The following NOL10 variants were observed in gnomAD, a reference collection of about 807,000 sequenced individuals.
NOL10 encodes nucleolar protein 10, also known as H_NH0074G24.1.
NOL10 carries 58 observed loss-of-function variants against 103.5 expected under a neutral mutation model. The observed-to-expected ratio is 0.56, with a 90% CI of 0.45 to 0.70. NOL10 has a LOEUF of 0.70. Among genes scored for constraint, NOL10 ranks in the 30% least tolerant of loss-of-function variants. The probability of loss-of-function intolerance (pLI) is 0.00; values close to 1 mark genes in which losing one functional copy is unlikely to be tolerated. For synonymous variants in NOL10, 287 were observed against 282.5 expected (o/e 1.02, Z -0.16); for missense variants, 763 against 807.3 (o/e 0.95, Z 0.67).
chr2:10,654,783 A>C (rs1679716834), intron 11 of NOL10, among the ~76,000 whole-genome samples: 2 of 152,242 alleles, frequency 1.3e-5, no homozygotes, highest in Non-Finnish European at 2.9e-5. Context: ...CCTGTCCAAA[A>C]AAAAGAAAAA....
At chr2:10,596,678 G>A (rs1410825347) in intron 17 of NOL10, among the ~76,000 whole-genome samples, 1 of 152,130 alleles carries the variant, frequency 6.6e-6, no homozygotes, top group East Asian at 1.9e-4. Context: ...AAAGGCCCCA[G>A]ACCAGTACCA....
At chr2:10,660,410 C>T (rs1338374527) in intron 9 of NOL10, among the ~76,000 whole-genome samples, 12 of 152,046 alleles carry the variant, frequency 7.9e-5, no homozygotes, top group Admixed American at 3.3e-4. Context: ...CTCCACCTTC[C>T]GGTTCAAGCA....
At chr2:10,603,036 C>T (rs1292304109) in intron 15 of NOL10, 42 bp downstream of exon 15, 1 of 1,474,564 alleles carries the variant, frequency 6.8e-7, no homozygotes, top group Non-Finnish European at 9.4e-7. Context: ...ACAGACTGCG[C>T]ATTAGTTACC....
intron 13 of NOL10, among the ~76,000 whole-genome samples, chr2:10,643,354 T>G (rs917385935): frequency 5.3e-5 from 8 of 152,212 alleles, no homozygotes; most frequent in Admixed American, 5.2e-4. Context: ...AGAGTTCACC[T>G]CCCTCAGATT....
Position 10,657,906 on chromosome 2 carries a change from T to A in NOL10, c.757-15A>T. ...TATAATAAAACCTGAAAAAAAATTA[T>A]TTCTGTTTAAACAAACTAGACATTT... is the stretch of plus-strand genomic sequence containing the variant. On this transcript the variant is annotated splice_polypyrimidine_tract_variant and intron_variant, in intron 10 of 20. Transcript: ENST00000381685. 2 of 1,502,146 alleles carry A rather than the reference T, an allele frequency of 1.3e-6. No homozygotes were observed. Among genetic ancestry groups the A allele is most frequent in the Non-Finnish European group, 1.8e-6 (2 of 1,121,970 alleles). The allele number at this position is 1,502,146 out of a possible 1,614,324, so 93.1% of individuals were successfully genotyped here.
At chr2:10,598,701 A>G (rs576398996) in intron 17 of NOL10, among the ~76,000 whole-genome samples, 64 of 152,376 alleles carry the variant, frequency 4.2e-4, no homozygotes, top group African/African-American at 1.5e-3. Context: ...GAAAGTGAGT[A>G]TGACAATTTG....
rs561087439 is a variant in NOL10 at position 10,613,664 on chromosome 2, C to T, written c.1027-6353G>A. 5.1e-4 allele frequency among the ~76,000 whole-genome samples: 77 copies of T among 152,308 alleles called. 1 individual carries two copies. Among genetic ancestry groups the T allele is most frequent in the African/African-American group, 1.8e-3 (74 of 41,576 alleles). On this transcript the variant is annotated intron_variant, in intron 13 of 20. Transcript: ENST00000381685. ...ACCTTTCAGTGATCTTATACTATTACAATCCTAGAAATTGAATTTAAACTT... is the reference window on the plus strand; with the variant it reads ...ACCTTTCAGTGATCTTATACTATTATAATCCTAGAAATTGAATTTAAACTT...
At chr2:10,603,187 T>A in intron 14 of NOL10, 30 bp from the exon 15 acceptor site, 1 of 1,518,952 alleles carries the variant, frequency 6.6e-7, no homozygotes, top group Non-Finnish European at 9.1e-7. Context: ...AGACAGCAGG[T>A]CCTTATGCAA....
intron 9 of NOL10, among the ~76,000 whole-genome samples, chr2:10,661,430 G>A (rs1041953685): frequency 6.6e-6 from 1 of 151,184 alleles, no homozygotes; most frequent in African/African-American, 2.4e-5. Flanking sequence ...GGAGTACAGT[G>A]GGGTGACCTC....
At chr2:10,632,332 T>C (rs546512680) in intron 13 of NOL10, among the ~76,000 whole-genome samples, 42 of 152,372 alleles carry the variant, frequency 2.8e-4, no homozygotes, top group Admixed American at 9.1e-4. Flanking sequence ...ACGAGCCATA[T>C]GGTCTCTGTC....
chr2:10,649,217 A>C (rs1040298605), intron 12 of NOL10, among the ~76,000 whole-genome samples: 11 of 152,154 alleles, frequency 7.2e-5, no homozygotes, highest in African/African-American at 2.4e-4. Context: ...AGAGATAAAT[A>C]AATCAATTAT....
intron 20 of NOL10, 109 bp from the exon 21 acceptor site, chr2:10,572,299 C>G: frequency 8.3e-7 from 1 of 1,200,346 alleles, no homozygotes. Flanking sequence ...GAACTGCTGC[C>G]AGGAGAAATG....
At chr2:10,583,577 A>G (rs1674871496) in intron 19 of NOL10, among the ~76,000 whole-genome samples, 3 of 152,202 alleles carry the variant, frequency 2.0e-5, no homozygotes, top group Admixed American at 6.5e-5. Context: ...CCTATTTTGC[A>G]TTCTGTATTT....
intron 2 of NOL10, among the ~76,000 whole-genome samples, 194 bp from the exon 3 acceptor site, chr2:10,682,263 T>C (rs1681821398): frequency 6.6e-6 from 1 of 152,180 alleles, no homozygotes; most frequent in Admixed American, 6.5e-5. Flanking sequence ...AGCTCATACG[T>C]TGTTTTTCTA....
intron 14 of NOL10, among the ~76,000 whole-genome samples, chr2:10,605,434 G>C (rs1183640060): frequency 6.6e-6 from 1 of 152,054 alleles, no homozygotes; most frequent in African/African-American, 2.4e-5. Flanking sequence ...ATATATTATG[G>C]GGAAATGATA....
chr2:10,645,697 A>AT (rs1478540927), intron 12 of NOL10, among the ~76,000 whole-genome samples: 1 of 151,674 alleles, frequency 6.6e-6, no homozygotes, highest in Admixed American at 6.6e-5. Flanking sequence ...CGCCTGGCTA[A>AT]TTTTTTGTAT....
intron 13 of NOL10, among the ~76,000 whole-genome samples, chr2:10,621,760 C>T (rs540175104): frequency 3.3e-5 from 5 of 152,234 alleles, no homozygotes; most frequent in Non-Finnish European, 5.9e-5. Flanking sequence ...AAAATATAGA[C>T]CTTTAAAGGA....
intron 3 of NOL10, among the ~76,000 whole-genome samples, chr2:10,680,968 A>T (rs1681716612): frequency 6.6e-6 from 1 of 152,240 alleles, no homozygotes; most frequent in Non-Finnish European, 1.5e-5. Flanking sequence ...ACAGAAAATC[A>T]TGTTATAAGT....
intron 12 of NOL10, among the ~76,000 whole-genome samples, chr2:10,646,585 T>A (rs539645424): frequency 5.9e-5 from 9 of 152,322 alleles, no homozygotes; most frequent in African/African-American, 1.9e-4. Context: ...GAGCAGCTTC[T>A]AACAGGCAGA....
Sources: allele counts gnomAD v4.1 joint callset (sites outside exome capture counted in the v4.1 genomes callset), GRCh38; gene constraint gnomAD v4.1.1; transcripts MANE v1.5; gene names NCBI Gene and HGNC (gene_info 2026-07-23, HGNC 2026-07-21).